RB1CC1: variants seen among roughly 807,000 people sequenced by gnomAD.
RB1CC1 encodes the protein RB1 inducible coiled-coil 1.
RB1CC1 carries 46 observed loss-of-function variants against 177.5 expected under a neutral mutation model. That is an observed-to-expected ratio of 0.26 (90% CI 0.20 to 0.33). The LOEUF (loss-of-function observed/expected upper bound fraction) is 0.33, where lower values mean the gene tolerates loss of function less well. Among genes scored for constraint, RB1CC1 ranks in the 10% least tolerant of loss-of-function variants. The pLI is 1.00. For synonymous variants in RB1CC1, 666 were observed against 613.6 expected (o/e 1.09, Z -1.26); for missense variants, 1,703 against 1,816.3 (o/e 0.94, Z 1.13).
rs1284895615 is a variant in RB1CC1 at position 52,661,571 on chromosome 8, T to G, written c.1322A>C (p.Lys441Thr). 6.2e-7 allele frequency: 1 copy of G among 1,609,164 alleles called. No homozygotes were observed. Among genetic ancestry groups the G allele is most frequent in the Non-Finnish European group, 8.5e-7 (1 of 1,178,562 alleles). The change falls in exon 9 of 24, where the codon AAA (lysine) becomes ACA (threonine). Residue 441 changes from lysine to threonine, a missense_variant. By Grantham distance (78) the Lys-to-Thr change is moderately conservative (BLOSUM62 -1). Coordinates refer to ENST00000025008, the MANE Select transcript of RB1CC1 (RefSeq NM_014781.5). ...ATGTAGGTTATTTGCTAGTTCTTGT[T>G]TGGCAGTGGTACACTTCTGCTTAAT... The part of the protein sequence containing the change: ...LDIKQKCTTA[K>T]QELANNLHVR...
At chr8:52,629,774 C>T (rs1848631843) in intron 21 of RB1CC1, among the ~76,000 whole-genome samples, 1 of 152,144 alleles carries the variant, frequency 6.6e-6, no homozygotes. Context: ...CTCTTTCAAC[C>T]AACTGCCAAT....
chr8:52,650,897 G>A (rs528951507), intron 15 of RB1CC1, among the ~76,000 whole-genome samples: 1 of 152,238 alleles, frequency 6.6e-6, no homozygotes, highest in African/African-American at 2.4e-5. Flanking sequence ...CCTTGTCTGA[G>A]GAAATCAGTG....
chr8:52,628,249 G>T, intron 21 of RB1CC1, 81 bp from the exon 22 acceptor site: 2 of 1,280,244 alleles, frequency 1.6e-6, no homozygotes, highest in Non-Finnish European at 1.1e-6. Context: ...TATACTTAAT[G>T]CTCAACTACA....
At chr8:52,632,203 C>A (rs1486642980) in intron 20 of RB1CC1, among the ~76,000 whole-genome samples, 2 of 152,128 alleles carry the variant, frequency 1.3e-5, no homozygotes, top group African/African-American at 4.8e-5. Flanking sequence ...AAACCAAGGT[C>A]TTTGAAGCTT....
At chr8:52,641,404 A>T (rs1459577456) in intron 18 of RB1CC1, among the ~76,000 whole-genome samples, 5 of 144,838 alleles carry the variant, frequency 3.5e-5, no homozygotes, top group Non-Finnish European at 7.5e-5. Context: ...AAAAAAAAAA[A>T]TTAAAATAAA....
rs2150566662 is a variant in RB1CC1 at position 52,676,539 on chromosome 8, A to C, written c.402T>G (p.Ser134=). 6.2e-7 allele frequency: 1 copy of C among 1,606,818 alleles called. No individual in the cohort carries two copies. Among genetic ancestry groups the C allele is most frequent in the South Asian group, 1.1e-5 (1 of 88,778 alleles). ...CATCATGTACAAGACCTTCACAAAA[A>C]GAACAAAGTTTCTTGGCAACTTCAT... The part of the protein sequence containing the change: ...EMYEVAKKLC[S]FCEGLVHDEH... Residue 134 remains serine (S), a synonymous_variant, in exon 6 of 24, where the codon TCT becomes TCG. Transcript: ENST00000025008.
intron 19 of RB1CC1, 57 bp from the exon 20 acceptor site, chr8:52,635,025 A>G (rs1849026544): frequency 8.2e-6 from 12 of 1,464,370 alleles, no homozygotes; most frequent in Non-Finnish European, 1.1e-5. Flanking sequence ...AAATAAATCT[A>G]AACAGTGATT....
At chr8:52,661,804 T>A (rs899466473) in intron 8 of RB1CC1, 85 bp from the exon 9 acceptor site, 3 of 1,039,494 alleles carry the variant, frequency 2.9e-6, no homozygotes, top group Admixed American at 3.2e-5. Flanking sequence ...ATCTTTATGT[T>A]AAACACAACC....
In RB1CC1 at chr8:52,642,447, G is replaced by A. The variant is rs756076556; in HGVS notation, c.4241C>T (p.Ala1414Val). 27 of 1,613,948 alleles carry A rather than the reference G, an allele frequency of 1.7e-5. No individual in the cohort carries two copies. In the South Asian group the frequency reaches 2.2e-4, roughly 13 times the overall value. ...ATAPELYGAC[A>V]PELPGESDRS... ...ATCTGATTCACCTGGGAGTTCAGGT[G>A]CACAAGCTCCATAAAGTTCTGGGGC... Residue 1414 changes from alanine to valine, a missense_variant, in exon 18 of 24, where the codon GCA (alanine) becomes GTA (valine). By Grantham distance (64) the Ala-to-Val change is moderately conservative. Transcript: ENST00000025008.
chr8:52,631,237 C>A (rs1022669614), intron 20 of RB1CC1, among the ~76,000 whole-genome samples: 1 of 152,040 alleles, frequency 6.6e-6, no homozygotes, highest in African/African-American at 2.4e-5. Context: ...TCCCAACGAA[C>A]AACAACAAAA....
Position 52,622,628 on chromosome 8 carries a change from A to G in RB1CC1, c.*1154T>C, listed in dbSNP as rs1023696420. 6.6e-6 allele frequency: 1 copy of G among 152,040 alleles called. No individual in the cohort carries two copies. The highest frequency in any genetic ancestry group is 1.5e-5 in the Non-Finnish European group (1 of 67,570). 9.4% of individuals were successfully genotyped at this position (152,040 alleles called of 1,614,324 possible). A position where few individuals can be genotyped will look rare whatever the true frequency, so the allele number is the denominator to read the frequency against. On this transcript the variant is annotated 3_prime_UTR_variant, in exon 24 of 24. Coordinates refer to ENST00000025008, the MANE Select transcript of RB1CC1 (RefSeq NM_014781.5). Reference sequence around the variant, plus strand: ...AAGAATTATTTTATTATTGTTCTCTAGCAACAAACCTCAAACAATTCTCAT... The same window carrying G: ...AAGAATTATTTTATTATTGTTCTCTGGCAACAAACCTCAAACAATTCTCAT...
chr8:52,640,654 T>G (rs931799704), intron 18 of RB1CC1, among the ~76,000 whole-genome samples: 1 of 152,224 alleles, frequency 6.6e-6, no homozygotes, highest in African/African-American at 2.4e-5. Context: ...TGGATATATT[T>G]TTTTAAAGAG....
At chr8:52,627,920 G>C in intron 22 of RB1CC1, 112 bp downstream of exon 22, 1 of 892,412 alleles carries the variant, frequency 1.1e-6, no homozygotes, top group Non-Finnish European at 1.6e-6. Context: ...GATTACACAG[G>C]GTTCCCTCTT....
intron 1 of RB1CC1, among the ~76,000 whole-genome samples, chr8:52,699,858 T>TATATATATACAC (rs756226534): frequency 2.1e-4 from 22 of 102,766 alleles, no homozygotes; most frequent in African/African-American, 7.8e-4. Flanking sequence ...TATATATATA[T>TATATATATACAC]ACACACAAAA....
At chr8:52,667,923 A>T in intron 8 of RB1CC1, 98 bp downstream of exon 8, 1 of 1,181,902 alleles carries the variant, frequency 8.5e-7, no homozygotes, top group Non-Finnish European at 1.2e-6. Flanking sequence ...TCAAGGAAAA[A>T]GTGAAAATAT....
At chr8:52,658,772 T>C (rs1427596203) in intron 13 of RB1CC1, 101 bp downstream of exon 13, 9 of 700,392 alleles carry the variant, frequency 1.3e-5, no homozygotes, top group Admixed American at 3.8e-5. Context: ...ATATTTCTTA[T>C]CTTGGCACCT....
chr8:52,665,789 A>G (rs1007678518), intron 8 of RB1CC1, among the ~76,000 whole-genome samples: 1 of 152,158 alleles, frequency 6.6e-6, no homozygotes, highest in Non-Finnish European at 1.5e-5. Context: ...TTAGGTGACT[A>G]GGAATGCCAT....
intron 1 of RB1CC1, among the ~76,000 whole-genome samples, chr8:52,699,561 C>T (rs945231998): frequency 1.8e-4 from 27 of 150,488 alleles, no homozygotes; most frequent in African/African-American, 6.4e-4. Flanking sequence ...GTAATCCCAG[C>T]ACTTTGGAAG....
At chr8:52,684,611 A>AC in intron 3 of RB1CC1, among the ~76,000 whole-genome samples, 1 of 151,952 alleles carries the variant, frequency 6.6e-6, no homozygotes, top group East Asian at 1.9e-4. Context: ...CCTGAGTCCC[A>AC]CTAAATTTGG....
Sources: allele counts gnomAD v4.1 joint callset (sites outside exome capture counted in the v4.1 genomes callset), GRCh38; gene constraint gnomAD v4.1.1; transcripts MANE v1.5; gene names NCBI Gene and HGNC (gene_info 2026-07-23, HGNC 2026-07-21).